ASH2L: variants seen among roughly 807,000 people sequenced by gnomAD.
ASH2L encodes ASH2 like, histone lysine methyltransferase complex subunit, also known as set1/Ash2 histone methyltransferase complex subunit ASH2.
Under a neutral mutation model 81.1 loss-of-function variants are expected in ASH2L, and 30 were observed. The ratio of observed to expected loss-of-function variants is 0.37; its 90% CI spans 0.28 to 0.50. The LOEUF (loss-of-function observed/expected upper bound fraction) is 0.50, where lower values mean the gene tolerates loss of function less well. Among genes scored for constraint, ASH2L ranks in the 20% least tolerant of loss-of-function variants. The pLI is 0.95. For missense variants in ASH2L, 559 were observed against 792.1 expected, an observed-to-expected ratio of 0.71 and a Z score of 3.53; for synonymous variants, 273 against 279.9, an observed-to-expected ratio of 0.98 and a Z score of 0.24.
intron 8 of ASH2L, 164 bp from the exon 9 acceptor site, chr8:38,119,106 T>G (rs997026179): frequency 3.2e-6 from 2 of 621,012 alleles, no homozygotes; most frequent in African/African-American, 3.8e-5. Flanking sequence ...AGATGCTCAG[T>G]AGATTCTTTG....
At chr8:38,132,030 G>GC (rs1222045566) in intron 12 of ASH2L, among the ~76,000 whole-genome samples, 1 of 152,118 alleles carries the variant, frequency 6.6e-6, no homozygotes, top group Non-Finnish European at 1.5e-5. Flanking sequence ...TATATTTTTA[G>GC]TAGAGACGGG....
chr8:38,113,088 C>T (rs1338186532), intron 5 of ASH2L, among the ~76,000 whole-genome samples: 1 of 152,052 alleles, frequency 6.6e-6, no homozygotes, highest in African/African-American at 2.4e-5. Flanking sequence ...CCTGCCTCAG[C>T]CTCCTGAGTA....
intron 12 of ASH2L, among the ~76,000 whole-genome samples, chr8:38,132,697 G>T (rs1344953525): frequency 6.6e-6 from 1 of 152,032 alleles, no homozygotes; most frequent in Non-Finnish European, 1.5e-5. Context: ...TGCCTGGGAG[G>T]CTGAGACAGG....
chr8:38,135,862 C>G (rs569119518), intron 14 of ASH2L, 96 bp downstream of exon 14: 1 of 928,864 alleles, frequency 1.1e-6, no homozygotes, highest in African/African-American at 1.7e-5. Flanking sequence ...GAAATCCAAG[C>G]AGCCTCAGAG....
chr8:38,122,519 T>TA (rs1801667867), intron 10 of ASH2L: 1 of 152,280 alleles, frequency 6.6e-6, no homozygotes, highest in East Asian at 1.9e-4. Flanking sequence ...TAGCAATTAA[T>TA]ATCTAGGTGT....
chr8:38,136,650 C>G (rs1433730386), intron 14 of ASH2L, among the ~76,000 whole-genome samples: 1 of 151,650 alleles, frequency 6.6e-6, no homozygotes, highest in African/African-American at 2.4e-5. Flanking sequence ...TGGCACATGC[C>G]TGTAATTCCA....
chr8:38,131,496 A>C (rs919687575), intron 12 of ASH2L, among the ~76,000 whole-genome samples: 1 of 152,132 alleles, frequency 6.6e-6, no homozygotes, highest in African/African-American at 2.4e-5. Flanking sequence ...AAATACAAAA[A>C]TTAGTTGGAT....
At chr8:38,126,115 A>G (rs757012765) in intron 10 of ASH2L, among the ~76,000 whole-genome samples, 10 of 151,982 alleles carry the variant, frequency 6.6e-5, no homozygotes, top group Non-Finnish European at 1.5e-4. Flanking sequence ...AGGTGGGAGA[A>G]TCGCTTGAAC....
Position 38,138,822 on chromosome 8 carries a change from A to C in ASH2L, c.1726A>C (p.Ile576Leu). 1 of 1,613,926 alleles carries C rather than the reference A, an allele frequency of 6.2e-7. No individual in the cohort carries two copies. Among genetic ancestry groups the C allele is most frequent in the Non-Finnish European group, 8.5e-7 (1 of 1,179,980 alleles). The change falls in exon 15 of 16, where the codon ATT becomes CTT. Residue 576 changes from isoleucine to leucine, a missense_variant. Ile to Leu is a conservative substitution (Grantham distance 5). Around this residue, in one of 4 missense-constraint regions of ASH2L, gnomAD observed 95 missense variants for 130.7 expected, o/e 0.73. Coordinates refer to ENST00000343823, the MANE Select transcript of ASH2L (RefSeq NM_004674.5). ...ISLYKSCTVS[I>L]NFGPCFKYPP... ...TGAATTGAATTCGCTCCAGGTTTCC[A>C]TTAACTTTGGACCATGCTTCAAGTA...
At chr8:38,106,700 G>A (rs1345719320) in intron 2 of ASH2L, among the ~76,000 whole-genome samples, 2 of 151,748 alleles carry the variant, frequency 1.3e-5, no homozygotes, top group Admixed American at 6.6e-5. Flanking sequence ...TAGTAGAGAC[G>A]GGGTTTCACC....
At chr8:38,134,658 A>AT (rs1274990386) in intron 13 of ASH2L, among the ~76,000 whole-genome samples, 29 of 152,286 alleles carry the variant, frequency 1.9e-4, no homozygotes, top group Non-Finnish European at 3.5e-4. Flanking sequence ...AGCTGGAAAC[A>AT]TTTTTTTCAT....
chr8:38,110,689 T>G, intron 4 of ASH2L, 50 bp from the exon 5 acceptor site: 2 of 1,432,726 alleles, frequency 1.4e-6, no homozygotes, highest in South Asian at 2.4e-5. Flanking sequence ...CCCTTGGTAG[T>G]AGAGATGTAG....
At chr8:38,105,998 C>G in intron 1 of ASH2L, 2 of 1,531,314 alleles carry the variant, frequency 1.3e-6, no homozygotes, top group Non-Finnish European at 1.7e-6. Context: ...GCTGGTAGCT[C>G]ACACTTTAAC....
chr8:38,138,972 C>T lies in ASH2L; in HGVS notation c.1788C>T (p.Asp596=). The change falls in exon 16 of 16, where the codon GAC becomes GAT. Residue 596 remains aspartate, a synonymous_variant. Coordinates refer to ENST00000343823, the MANE Select transcript of ASH2L (RefSeq NM_004674.5). Reference sequence around the variant, plus strand: ...TCTCATTCCTCCTGCAGATGAGTGACATGGGCTGGGGCGCCGTGGTAGAGC... The same window carrying T: ...TCTCATTCCTCCTGCAGATGAGTGATATGGGCTGGGGCGCCGTGGTAGAGC... ...PKDLTYRPMS[D]MGWGAVVEHT... 1 of 1,613,954 alleles carries T rather than the reference C, an allele frequency of 6.2e-7. No homozygotes were observed. Among genetic ancestry groups the T allele is most frequent in the African/African-American group, 1.3e-5 (1 of 75,032 alleles).
At chr8:38,122,550 G>A (rs184574829) in intron 10 of ASH2L, 2 of 152,042 alleles carry the variant, frequency 1.3e-5, no homozygotes, top group East Asian at 3.9e-4. Context: ...GTTACTAGGC[G>A]TCATTGCTTC....
At chr8:38,129,452 G>A (rs376074765) in intron 12 of ASH2L, among the ~76,000 whole-genome samples, 2 of 152,088 alleles carry the variant, frequency 1.3e-5, no homozygotes, top group Admixed American at 6.6e-5. Flanking sequence ...GTAACATCAC[G>A]AGACCCCATC....
intron 13 of ASH2L, among the ~76,000 whole-genome samples, chr8:38,134,545 G>A (rs1802181178): frequency 2.6e-5 from 4 of 152,144 alleles, no homozygotes; most frequent in Admixed American, 1.3e-4. Context: ...CTGGAAACAT[G>A]TCTGCCCAAG....
intron 13 of ASH2L, among the ~76,000 whole-genome samples, chr8:38,134,763 TACTA>T (rs1331515005): frequency 1.3e-5 from 2 of 152,048 alleles, no homozygotes; most frequent in Admixed American, 1.3e-4. Flanking sequence ...AGGAAAGAAA[TACTA>T]AAGAGAAATA....
At chr8:38,135,816 A>T (rs1802229203) in intron 14 of ASH2L, 50 bp downstream of exon 14, 1 of 1,392,650 alleles carries the variant, frequency 7.2e-7, no homozygotes, top group South Asian at 1.3e-5. Flanking sequence ...AAGCAGATGA[A>T]TGGGTTGTGA....
Sources: allele counts gnomAD v4.1 joint callset (sites outside exome capture counted in the v4.1 genomes callset), GRCh38; gene constraint gnomAD v4.1.1; regional missense constraint gnomAD v4.1.1; transcripts MANE v1.5; gene names NCBI Gene and HGNC (gene_info 2026-07-23, HGNC 2026-07-21).